Variants in NRF1 observed in about 807,000 individuals in gnomAD.
NRF1 encodes the protein nuclear respiratory factor 1.
NRF1 carries 5 observed loss-of-function variants against 58.5 expected under a neutral mutation model. That is an observed-to-expected ratio of 0.09 (90% CI 0.04 to 0.18). The LOEUF is 0.18. NRF1 is among the 10% of genes least tolerant of loss of function. The pLI, the probability that NRF1 is intolerant of heterozygous loss-of-function variation, is 1.00. For synonymous variants in NRF1, 224 were observed against 246.7 expected, an observed-to-expected ratio of 0.91 and a Z score of 0.86; for missense variants, 288 against 657.7, an observed-to-expected ratio of 0.44 and a Z score of 6.15.
intron 1 of NRF1, among the ~76,000 whole-genome samples, chr7:129,624,910 T>G (rs577275254): frequency 2.0e-5 from 3 of 152,202 alleles, no homozygotes; most frequent in Non-Finnish European, 4.4e-5. Flanking sequence ...TCCTTCAACC[T>G]TGGGAAGGCA....
At chr7:129,677,800 T>C in intron 4 of NRF1, 42 bp downstream of exon 4, 3 of 1,607,768 alleles carry the variant, frequency 1.9e-6, no homozygotes, top group Non-Finnish European at 2.5e-6. Flanking sequence ...CTTTGCTTTC[T>C]GTCGGCTGCT....
chr7:129,700,093 A>AT (rs2116154954), intron 5 of NRF1, among the ~76,000 whole-genome samples: 1 of 151,830 alleles, frequency 6.6e-6, no homozygotes, highest in East Asian at 1.9e-4. Flanking sequence ...GTGAGCTGAG[A>AT]TGGCACCATT....
At chr7:129,744,123 C>G in intron 10 of NRF1, 1 of 1,427,604 alleles carries the variant, frequency 7.0e-7, no homozygotes, top group Non-Finnish European at 9.5e-7. Context: ...GCCCATCTTG[C>G]CCGGTGCTTT....
chr7:129,658,883 T>C (rs1046446095), intron 2 of NRF1, among the ~76,000 whole-genome samples: 1 of 152,114 alleles, frequency 6.6e-6, no homozygotes, highest in Admixed American at 6.6e-5. Flanking sequence ...ACTATTTGTA[T>C]AGCATTTACA....
intron 1 of NRF1, among the ~76,000 whole-genome samples, chr7:129,638,530 C>T (rs1417967525): frequency 6.6e-6 from 1 of 152,092 alleles, no homozygotes; most frequent in African/African-American, 2.4e-5. Flanking sequence ...ATTTGATGGC[C>T]TCTTTTCCCC....
At chr7:129,696,084 A>AAAAAAAAC (rs757035741) in intron 5 of NRF1, among the ~76,000 whole-genome samples, 2 of 110,936 alleles carry the variant, frequency 1.8e-5, no homozygotes, top group African/African-American at 3.6e-5. Flanking sequence ...AAAAAAAAAA[A>AAAAAAAAC]AACAACCAAA....
intron 9 of NRF1, among the ~76,000 whole-genome samples, chr7:129,723,182 G>T (rs993162129): frequency 2.0e-5 from 3 of 152,072 alleles, no homozygotes; most frequent in Non-Finnish European, 2.9e-5. Context: ...GGTGGCTCAT[G>T]CCTGTAATCC....
At chr7:129,662,784 T>C (rs911351980) in intron 2 of NRF1, among the ~76,000 whole-genome samples, 2 of 152,184 alleles carry the variant, frequency 1.3e-5, no homozygotes, top group Admixed American at 6.5e-5. Flanking sequence ...TTATTGATCA[T>C]TCTTGGGTGT....
intron 1 of NRF1, chr7:129,633,768 A>T (rs973271294): frequency 6.8e-6 from 1 of 147,922 alleles, no homozygotes; most frequent in Non-Finnish European, 1.5e-5. Context: ...CTAGATAACC[A>T]TACTTATTAA....
intron 10 of NRF1, among the ~76,000 whole-genome samples, chr7:129,753,310 A>G (rs1410716972): frequency 1.3e-5 from 2 of 152,126 alleles, no homozygotes; most frequent in African/African-American, 4.8e-5. Flanking sequence ...TTGGGTCTGG[A>G]TGTTGGGGTT....
At chr7:129,642,953 G>T (rs1048599887) in intron 1 of NRF1, among the ~76,000 whole-genome samples, 1 of 151,572 alleles carries the variant, frequency 6.6e-6, no homozygotes, top group African/African-American at 2.4e-5. Flanking sequence ...TAGAGATGGG[G>T]TTTCACCATT....
chr7:129,664,941 T>G (rs912052520), intron 2 of NRF1, among the ~76,000 whole-genome samples: 7 of 152,002 alleles, frequency 4.6e-5, no homozygotes, highest in African/African-American at 1.7e-4. Flanking sequence ...TTTCATCCAG[T>G]GGTGGGGGAG....
chr7:129,666,016 A>G (rs952204844), intron 2 of NRF1, among the ~76,000 whole-genome samples: 1 of 152,252 alleles, frequency 6.6e-6, no homozygotes, highest in Non-Finnish European at 1.5e-5. Context: ...CACGTGGTCT[A>G]TAGACGTAAT....
chr7:129,735,202 G>C (rs1803678624), intron 10 of NRF1: 2 of 985,442 alleles, frequency 2.0e-6, no homozygotes, highest in South Asian at 9.4e-5. Flanking sequence ...CCCTCCTCAT[G>C]TTCTGAATGA....
intron 1 of NRF1, among the ~76,000 whole-genome samples, chr7:129,656,921 A>G (rs1269070168): frequency 2.6e-5 from 4 of 152,210 alleles, no homozygotes; most frequent in African/African-American, 9.6e-5. Context: ...TTTTTGGGAA[A>G]AAAGTTATTT....
At chr7:129,725,908 C>G (rs1217531075) in intron 9 of NRF1, among the ~76,000 whole-genome samples, 1 of 152,178 alleles carries the variant, frequency 6.6e-6, no homozygotes, top group Non-Finnish European at 1.5e-5. Context: ...AAGTCTTTTG[C>G]AGGGGAATTA....
intron 1 of NRF1, among the ~76,000 whole-genome samples, chr7:129,641,239 C>T (rs1801281269): frequency 6.6e-6 from 1 of 152,126 alleles, no homozygotes; most frequent in Non-Finnish European, 1.5e-5. Flanking sequence ...GAATTTAACT[C>T]ACTTTTTTAC....
rs749155971 is a variant in NRF1, at chr7:129,744,232, G to A, written c.1349-10786G>A. On this transcript the variant is annotated intron_variant, in intron 10 of 10. Coordinates refer to ENST00000393232, the MANE Select transcript of NRF1 (RefSeq NM_005011.5). ...GATCCTGACTGACAAAGCCACAGGT[G>A]GGTTCATCTTTGGGGAAAGAAGGAA... The A allele has an allele frequency of 1.9e-6, 3 of 1,549,352 alleles. No individual in the cohort carries two copies. The South Asian group carries it at 3.6e-5, about 18-fold the overall frequency.
chr7:129,685,995 A>T (rs998053471), intron 4 of NRF1, among the ~76,000 whole-genome samples: 1 of 151,012 alleles, frequency 6.6e-6, no homozygotes, highest in Non-Finnish European at 1.5e-5. Flanking sequence ...CTGGCTACTC[A>T]GGAGGCTGAG....
Sources: gnomAD v4.1 joint callset for allele counts (sites outside exome capture counted in the v4.1 genomes callset) on GRCh38, gnomAD v4.1.1 for gene constraint, MANE v1.5 for transcripts, NCBI Gene and HGNC (gene_info 2026-07-23, HGNC 2026-07-21) for gene names.